Variants in RAB27A observed in about 807,000 individuals in gnomAD.
RAB27A encodes the protein ras-related protein Rab-27A.
In RAB27A, 17 loss-of-function variants were observed where a neutral mutation model predicts 20.8. That is an observed-to-expected ratio of 0.82 (90% CI 0.56 to 1.23). RAB27A has a LOEUF of 1.23. RAB27A is among the 50% of genes most tolerant of loss of function. The pLI, the probability that RAB27A is intolerant of heterozygous loss-of-function variation, is 0.00. For synonymous variants in RAB27A, 85 were observed against 92.8 expected (o/e 0.92, Z 0.48); for missense variants, 277 against 266.7 (o/e 1.04, Z -0.27).
At chr15:55,250,202 G>T (rs1311585933) in intron 2 of RAB27A, among the ~76,000 whole-genome samples, 1 of 152,060 alleles carries the variant, frequency 6.6e-6, no homozygotes, top group East Asian at 1.9e-4. Flanking sequence ...GATCTCAAGT[G>T]ATCTGCCTAC....
chr15:55,271,948 C>G (rs1356215016), intron 1 of RAB27A, among the ~76,000 whole-genome samples: 1 of 152,198 alleles, frequency 6.6e-6, no homozygotes, highest in African/African-American at 2.4e-5. Context: ...TCGTTTCACA[C>G]CTGACGAAAA....
intron 6 of RAB27A, among the ~76,000 whole-genome samples, chr15:55,214,224 C>G (rs1389436567): frequency 1.3e-5 from 2 of 152,014 alleles, no homozygotes; most frequent in African/African-American, 4.8e-5. Flanking sequence ...ATCACGAAGT[C>G]GGGAGATCGA....
intron 2 of RAB27A, among the ~76,000 whole-genome samples, chr15:55,259,644 C>A (rs2095030225): frequency 6.6e-6 from 1 of 152,146 alleles, no homozygotes; most frequent in African/African-American, 2.4e-5. Context: ...TATAAAGATA[C>A]TGCCTTTTTA....
intron 2 of RAB27A, among the ~76,000 whole-genome samples, chr15:55,298,997 T>C (rs1189746077): frequency 6.6e-6 from 1 of 152,202 alleles, no homozygotes; most frequent in African/African-American, 2.4e-5. Flanking sequence ...CAAACACACA[T>C]GCTGTATAAT....
At chr15:55,223,760 T>G (rs1472427566) in intron 6 of RAB27A, 129 bp downstream of exon 6, 1 of 1,134,934 alleles carries the variant, frequency 8.8e-7, no homozygotes, top group Non-Finnish European at 1.3e-6. Flanking sequence ...AAGGACACAT[T>G]CAACATGCCC....
chr15:55,223,798 A>C, intron 6 of RAB27A, 91 bp downstream of exon 6: 2 of 1,512,940 alleles, frequency 1.3e-6, no homozygotes, highest in Non-Finnish European at 1.8e-6. Context: ...GTTTTGCTTT[A>C]ATTGTCCACT....
chr15:55,224,041 T>C, intron 5 of RAB27A, 29 bp from the exon 6 acceptor site: 1 of 1,480,914 alleles, frequency 6.8e-7, no homozygotes, highest in Non-Finnish European at 9.4e-7. Context: ...TTATTATATA[T>C]GTAAATAATA....
chr15:55,275,760 T>A lies in RAB27A; in HGVS notation c.-142-5476A>T, dbSNP rs79207395. 2.3e-3 allele frequency among the ~76,000 whole-genome samples: 344 copies of A among 149,888 alleles called. 5 individuals carry two copies. The East Asian group carries it at 0.024, about 10-fold the overall frequency. On this transcript the variant is annotated intron_variant, in intron 1 of 6. Transcript: ENST00000336787. ...AAACAACCCCCAAAAGAAAAAAAAA[T>A]TTAATGGGCGAAAGACCTGAATAGA...
At position 55,221,793 on chromosome 15, in the gene RAB27A, C is replaced by A. The variant is rs145951797; in HGVS notation, c.467+2096G>T. 6.7e-4 allele frequency among the ~76,000 whole-genome samples: 102 copies of A among 152,232 alleles called. No homozygotes were observed. The East Asian group carries it at 0.018, about 27-fold the overall frequency. On this transcript the variant is annotated intron_variant, in intron 6 of 6. Transcript: ENST00000336787. ...TTATTGTCATAAACCTGCAACTAGA[C>A]CTGCACCTGGGCCAGGTGATGTTGT...
chr15:55,228,250 A>T (rs191403281), intron 5 of RAB27A, among the ~76,000 whole-genome samples: 4 of 152,304 alleles, frequency 2.6e-5, no homozygotes, highest in African/African-American at 9.6e-5. Context: ...AGAAGAATTG[A>T]TAGCATACAA....
At chr15:55,215,654 A>AAAAAAAAAAAAG (rs1385598124) in intron 6 of RAB27A, among the ~76,000 whole-genome samples, 2 of 142,850 alleles carry the variant, frequency 1.4e-5, no homozygotes, top group South Asian at 2.2e-4. Flanking sequence ...TCCGTCTCAA[A>AAAAAAAAAAAAG]AAAAAAAAAA....
At chr15:55,227,989 G>A (rs1895876846) in intron 5 of RAB27A, among the ~76,000 whole-genome samples, 1 of 152,128 alleles carries the variant, frequency 6.6e-6, no homozygotes, top group African/African-American at 2.4e-5. Context: ...AATTCGAAAT[G>A]GCTATGAACC....
rs534837875 is a variant in RAB27A, at chr15:55,253,574, C to A, written c.-23+16591G>T. On this transcript the variant is annotated intron_variant, in intron 2 of 6. Coordinates refer to ENST00000336787, the MANE Select transcript of RAB27A (RefSeq NM_183235.3). The stretch of plus-strand genomic sequence containing the variant: ...AGAACTTAGTCCCCCAAGGCCATAC[C>A]TTGTCTCTGTCCTCAGCTAAGCCCA... Among the ~76,000 whole-genome samples the A allele has an allele frequency of 3.3e-5, 5 of 152,274 alleles. No homozygotes were observed. In the East Asian group the frequency reaches 9.6e-4, roughly 29 times the overall value.
rs545453189 is a variant in RAB27A, at chr15:55,274,696, TGAACCTGG to T, written c.-142-4420_-142-4413del. ...GGGAGGCTGAAGCAGGAGAATCACT[TGAACCTGG>T]GAAGCAGAAGTTGCAGTGAGCTGAG... On this transcript the variant is annotated intron_variant, in intron 1 of 6. Coordinates refer to ENST00000336787, the MANE Select transcript of RAB27A (RefSeq NM_183235.3). Among the ~76,000 whole-genome samples the T allele has an allele frequency of 1.5e-3, 224 of 150,074 alleles. 1 individual carries two copies. The highest frequency in any genetic ancestry group is 5.2e-3 in the African/African-American group (213 of 40,870).
At chr15:55,259,364 C>T (rs62018092) in intron 2 of RAB27A, among the ~76,000 whole-genome samples, 2,585 of 152,112 alleles carry the variant, frequency 0.017, 44 homozygotes, top group Non-Finnish European at 0.028. Flanking sequence ...TAGCTCACTA[C>T]AGCCTCAACT....
chr15:55,290,676 A>G (rs1375773800), upstream of RAB27A, among the ~76,000 whole-genome samples: 1 of 152,192 alleles, frequency 6.6e-6, no homozygotes. Flanking sequence ...CCTGCGGGGT[A>G]GTGAACCTGG....
rs1379597946 is a variant in RAB27A at position 55,303,054 on chromosome 15, C to T, written c.-112+10985G>A. Among the ~76,000 whole-genome samples, 8 of 145,612 alleles carry T rather than the reference C, an allele frequency of 5.5e-5. No individual in the cohort carries two copies. In the South Asian group the frequency reaches 6.7e-4, roughly 12 times the overall value. On this transcript the variant is annotated intron_variant, in intron 2 of 5. Transcript: ENST00000563262. ...GAGGTGGGGGATCAGCCCCCCCGCC[C>T]GGCCAGCCGCGCCATCCGGGAGGGA... is the stretch of plus-strand genomic sequence containing the variant.
At chr15:55,311,469 A>AG (rs144358326) in intron 2 of RAB27A, among the ~76,000 whole-genome samples, 8 of 152,032 alleles carry the variant, frequency 5.3e-5, no homozygotes, top group Non-Finnish European at 7.4e-5. Flanking sequence ...TTTGGGTTGA[A>AG]GGGGGGTCCT....
At position 55,300,611 on chromosome 15, in the gene RAB27A, G is replaced by C. The variant is rs1350338285; in HGVS notation, c.-112+13428C>G. On this transcript the variant is annotated intron_variant, in intron 2 of 5. Coordinates refer to the RAB27A transcript ENST00000563262. ...AGAGAATCGCTTGAACCCGGGAGGT[G>C]GAGGTTGCAGTAAGCCGAGAGTGTG... Among the ~76,000 whole-genome samples, 12 of 152,274 alleles carry C rather than the reference G, an allele frequency of 7.9e-5. No individual in the cohort carries two copies. The East Asian group carries it at 2.3e-3, about 29-fold the overall frequency.
Sources: allele counts gnomAD v4.1 joint callset (sites outside exome capture counted in the v4.1 genomes callset), GRCh38; gene constraint gnomAD v4.1.1; transcripts MANE v1.5; gene names NCBI Gene and HGNC (gene_info 2026-07-23, HGNC 2026-07-21).